NAV2: variants seen among roughly 807,000 people sequenced by gnomAD.
The protein encoded by NAV2 is neuron navigator 2.
Under a neutral mutation model 223.2 loss-of-function variants are expected in NAV2, and 54 were observed. The observed-to-expected ratio is 0.24, with a 90% CI of 0.19 to 0.30. The LOEUF (loss-of-function observed/expected upper bound fraction) is 0.30, where lower values mean the gene tolerates loss of function less well. Ranked by LOEUF, NAV2 falls within the 10% of genes least tolerant of loss-of-function variation. NAV2 has a pLI of 1.00. For synonymous variants in NAV2, 1,279 were observed against 1,239.3 expected, an observed-to-expected ratio of 1.03 and a Z score of -0.67; for missense variants, 2,806 against 3,147.5, an observed-to-expected ratio of 0.89 and a Z score of 2.60.
chr11:19,685,461 C>G (rs1266474552), intron 1 of NAV2, among the ~76,000 whole-genome samples: 3 of 152,020 alleles, frequency 2.0e-5, no homozygotes, highest in Non-Finnish European at 2.9e-5. Flanking sequence ...CAGGTATGGC[C>G]GGGCTGAGGA....
chr11:19,558,744 G>A (rs1016476049), intron 1 of NAV2, among the ~76,000 whole-genome samples: 2 of 152,202 alleles, frequency 1.3e-5, no homozygotes, highest in African/African-American at 4.8e-5. Flanking sequence ...TACAGCCTGT[G>A]TTCCATGGGA....
chr11:20,071,375 G>A (rs989994464), intron 22 of NAV2, among the ~76,000 whole-genome samples: 4 of 152,142 alleles, frequency 2.6e-5, no homozygotes, highest in African/African-American at 7.2e-5. Flanking sequence ...GGGCATTTGG[G>A]TTGGTTCCAA....
intron 2 of NAV2, among the ~76,000 whole-genome samples, chr11:19,838,876 G>A (rs563374005): frequency 1.3e-5 from 2 of 152,244 alleles, no homozygotes; most frequent in African/African-American, 4.8e-5. Flanking sequence ...TGCCCACCTC[G>A]GCCTCCCAAA....
intron 6 of NAV2, among the ~76,000 whole-genome samples, chr11:19,905,938 T>G (rs2042828419): frequency 6.6e-6 from 1 of 152,148 alleles, no homozygotes; most frequent in Admixed American, 6.5e-5. Flanking sequence ...TTGATAAGTT[T>G]GGTGAAGCAG....
chr11:19,470,232 A>G (rs1387916867), intron 1 of NAV2, among the ~76,000 whole-genome samples: 1 of 152,202 alleles, frequency 6.6e-6, no homozygotes, highest in Non-Finnish European at 1.5e-5. Flanking sequence ...CCTGTACTAT[A>G]AGCTCCTTGG....
chr11:20,037,479 G>A (rs1295448022), intron 12 of NAV2, among the ~76,000 whole-genome samples: 1 of 151,864 alleles, frequency 6.6e-6, no homozygotes, highest in Non-Finnish European at 1.5e-5. Flanking sequence ...GGGATTCCCA[G>A]TTACTTCTTG....
chr11:20,026,832 C>T (rs1216122734), intron 11 of NAV2, among the ~76,000 whole-genome samples: 1 of 152,196 alleles, frequency 6.6e-6, no homozygotes, highest in Admixed American at 6.5e-5. Context: ...TCAATTGCCT[C>T]ATCTGTAAAA....
intron 20 of NAV2, among the ~76,000 whole-genome samples, chr11:20,065,899 G>A (rs952270971): frequency 3.3e-5 from 5 of 152,182 alleles, no homozygotes; most frequent in Non-Finnish European, 5.9e-5. Context: ...GAAAGCCCCC[G>A]TGAGAATGTA....
intron 1 of NAV2, among the ~76,000 whole-genome samples, chr11:19,553,953 C>T (rs1351552639): frequency 6.6e-6 from 1 of 152,204 alleles, no homozygotes; most frequent in African/African-American, 2.4e-5. Flanking sequence ...TGGGTGGACT[C>T]AAAGGGCTTC....
At chr11:19,604,496 G>C (rs1410203786) in intron 1 of NAV2, among the ~76,000 whole-genome samples, 1 of 152,158 alleles carries the variant, frequency 6.6e-6, no homozygotes, top group Non-Finnish European at 1.5e-5. Context: ...AAGAGGACTG[G>C]GCTGGAGCAG....
chr11:19,668,115 G>A (rs1387857752), intron 1 of NAV2, among the ~76,000 whole-genome samples: 1 of 152,232 alleles, frequency 6.6e-6, no homozygotes, highest in African/African-American at 2.4e-5. Context: ...AGAGAGGACA[G>A]AGGAAGGAGA....
At chr11:19,819,225 C>T (rs969507372) in intron 1 of NAV2, among the ~76,000 whole-genome samples, 6 of 152,170 alleles carry the variant, frequency 3.9e-5, no homozygotes, top group African/African-American at 1.4e-4. Context: ...AGGATAAAGG[C>T]AGATGCAAAG....
chr11:19,543,281 C>T (rs1207649350), intron 1 of NAV2, among the ~76,000 whole-genome samples: 1 of 152,172 alleles, frequency 6.6e-6, no homozygotes, highest in African/African-American at 2.4e-5. Flanking sequence ...GTCAGTCTTC[C>T]TCTTTTGGAA....
At position 20,026,155 on chromosome 11, in the gene NAV2, A is replaced by C. The variant is rs542076888; in HGVS notation, c.2769-9804A>C. 3.9e-5 allele frequency among the ~76,000 whole-genome samples: 6 copies of C among 152,198 alleles called. No individual in the cohort carries two copies. In the South Asian group the frequency reaches 1.0e-3, roughly 26 times the overall value. ...GGTATTAGTGGTACTAGATGAGACT[A>C]AATTTGCTGGGGTTAGTGACTACAT... On this transcript the variant is annotated intron_variant, in intron 11 of 37. Coordinates refer to ENST00000349880, the MANE Select transcript of NAV2 (RefSeq NM_145117.5).
intron 19 of NAV2, among the ~76,000 whole-genome samples, chr11:20,061,216 A>G (rs1667127064): frequency 1.3e-5 from 2 of 152,344 alleles, no homozygotes; most frequent in African/African-American, 2.4e-5. Flanking sequence ...TTCCCACAGA[A>G]GAAGGCAGCC....
intron 31 of NAV2, among the ~76,000 whole-genome samples, chr11:20,098,632 T>C (rs1386477141): frequency 6.6e-6 from 1 of 152,254 alleles, no homozygotes; most frequent in Non-Finnish European, 1.5e-5. Flanking sequence ...CCCACCATTT[T>C]CCATCAGCAG....
At chr11:19,384,563 T>C (rs1189555782) in intron 1 of NAV2, 2 of 152,234 alleles carry the variant, frequency 1.3e-5, no homozygotes. Flanking sequence ...ATGGGTGTTA[T>C]TTGCATGGAC....
intron 26 of NAV2, among the ~76,000 whole-genome samples, chr11:20,085,965 C>A (rs1412153767): frequency 1.3e-5 from 2 of 152,168 alleles, no homozygotes; most frequent in East Asian, 3.8e-4. Context: ...CCCCAGCCTC[C>A]CAATGAGCAG....
intron 1 of NAV2, among the ~76,000 whole-genome samples, chr11:19,680,843 C>T (rs1263622956): frequency 6.6e-6 from 1 of 152,212 alleles, no homozygotes; most frequent in Non-Finnish European, 1.5e-5. Context: ...GTAGGGGTCT[C>T]ATGCCTTCTT....
Sources: gnomAD v4.1 joint callset for allele counts (sites outside exome capture counted in the v4.1 genomes callset) on GRCh38, gnomAD v4.1.1 for gene constraint, MANE v1.5 for transcripts, NCBI Gene and HGNC (gene_info 2026-07-23, HGNC 2026-07-21) for gene names.